The following MARCHF3 variants were observed in gnomAD, a reference collection of about 807,000 sequenced individuals.
The protein encoded by MARCHF3 is E3 ubiquitin-protein ligase MARCHF3.
Under a neutral mutation model 24.2 loss-of-function variants are expected in MARCHF3, and 13 were observed. That is an observed-to-expected ratio of 0.54 (90% CI 0.35 to 0.85). The LOEUF (loss-of-function observed/expected upper bound fraction) is 0.85, where lower values mean the gene tolerates loss of function less well. Ranked by LOEUF, MARCHF3 falls within the 40% of genes least tolerant of loss-of-function variation. The pLI, the probability that MARCHF3 is intolerant of heterozygous loss-of-function variation, is 0.01. For missense variants in MARCHF3, 276 were observed against 325.0 expected (o/e 0.85, Z 1.16); for synonymous variants, 144 against 137.3 (o/e 1.05, Z -0.34).
intron 1 of MARCHF3, among the ~76,000 whole-genome samples, chr5:126,959,905 C>T (rs1264935455): frequency 6.6e-6 from 1 of 152,040 alleles, no homozygotes; most frequent in Non-Finnish European, 1.5e-5. Flanking sequence ...CCTTTGTCTC[C>T]TAGGTTATTA....
chr5:126,948,549 A>C (rs796376737), intron 1 of MARCHF3, among the ~76,000 whole-genome samples: 4 of 152,332 alleles, frequency 2.6e-5, no homozygotes, highest in African/African-American at 9.6e-5. Context: ...AATGAACGGG[A>C]GAACCAAAAG....
intron 1 of MARCHF3, among the ~76,000 whole-genome samples, chr5:126,974,263 C>T (rs949773116): frequency 6.6e-6 from 1 of 152,330 alleles, no homozygotes; most frequent in African/African-American, 2.4e-5. Context: ...CCTTCCCTCC[C>T]TCAAGCAGGT....
chr5:126,879,517 A>T (rs1025850088), intron 3 of MARCHF3, among the ~76,000 whole-genome samples: 1 of 152,176 alleles, frequency 6.6e-6, no homozygotes, highest in African/African-American at 2.4e-5. Flanking sequence ...GATGGGGAAA[A>T]CCTCATGCTT....
chr5:126,995,984 G>T (rs1199392217), intron 1 of MARCHF3, among the ~76,000 whole-genome samples: 1 of 152,252 alleles, frequency 6.6e-6, no homozygotes, highest in Non-Finnish European at 1.5e-5. Flanking sequence ...GTCCTTGAAA[G>T]ATGAATAAGA....
intron 1 of MARCHF3, among the ~76,000 whole-genome samples, chr5:126,929,417 G>T (rs966311342): frequency 2.0e-5 from 3 of 152,164 alleles, no homozygotes; most frequent in African/African-American, 7.2e-5. Flanking sequence ...AATTCTAAGG[G>T]TCTAATGATT....
chr5:126,988,788 T>A (rs1330664699), intron 1 of MARCHF3, among the ~76,000 whole-genome samples: 1 of 152,196 alleles, frequency 6.6e-6, no homozygotes, highest in African/African-American at 2.4e-5. Context: ...ATTACATCAG[T>A]GAGCATCTAT....
At chr5:127,009,155 G>T (rs1752404438) in intron 1 of MARCHF3, among the ~76,000 whole-genome samples, 1 of 152,084 alleles carries the variant, frequency 6.6e-6, no homozygotes, top group African/African-American at 2.4e-5. Flanking sequence ...AATTCCCTGA[G>T]ATTCCAAAGC....
At chr5:126,919,817 C>T (rs143898641) in intron 1 of MARCHF3, among the ~76,000 whole-genome samples, 5 of 152,296 alleles carry the variant, frequency 3.3e-5, no homozygotes, top group East Asian at 1.9e-4. Context: ...GGCTGCCTGG[C>T]GTCCTCTCAG....
At chr5:126,875,024 G>T (rs1753101674) in intron 4 of MARCHF3, among the ~76,000 whole-genome samples, 1 of 152,168 alleles carries the variant, frequency 6.6e-6, no homozygotes, top group South Asian at 2.1e-4. Context: ...TGAGTGGAAA[G>T]ACTTCCTGTA....
intron 3 of MARCHF3, among the ~76,000 whole-genome samples, chr5:126,894,539 G>T (rs1433422139): frequency 1.3e-5 from 2 of 151,708 alleles, no homozygotes; most frequent in Non-Finnish European, 2.9e-5. Context: ...TTTCTCCTTT[G>T]CTTATGAAGG....
chr5:127,008,383 A>C (rs1442817287), intron 1 of MARCHF3, among the ~76,000 whole-genome samples: 1 of 152,220 alleles, frequency 6.6e-6, no homozygotes, highest in Non-Finnish European at 1.5e-5. Flanking sequence ...AGACGAATCA[A>C]GTGAGGTTAC....
intron 1 of MARCHF3, among the ~76,000 whole-genome samples, chr5:126,977,630 C>T (rs1344908854): frequency 6.6e-6 from 1 of 152,104 alleles, no homozygotes; most frequent in Non-Finnish European, 1.5e-5. Context: ...ATTCATGACA[C>T]AGAAATATCA....
intron 1 of MARCHF3, among the ~76,000 whole-genome samples, chr5:127,006,800 GAT>G (rs1489391879): frequency 1.3e-5 from 2 of 152,076 alleles, no homozygotes; most frequent in Non-Finnish European, 2.9e-5. Flanking sequence ...TACTGTACAA[GAT>G]ATTAAAGGTT....
intron 1 of MARCHF3, among the ~76,000 whole-genome samples, chr5:127,023,774 AAAT>A (rs1752899431): frequency 1.2e-4 from 16 of 138,932 alleles, no homozygotes; most frequent in African/African-American, 3.7e-4. Context: ...ATAAATAAAT[AAAT>A]AAAAATAAAA....
intron 1 of MARCHF3, among the ~76,000 whole-genome samples, chr5:127,004,886 C>G (rs899632833): frequency 1.4e-4 from 21 of 152,188 alleles, no homozygotes; most frequent in African/African-American, 5.1e-4. Context: ...ACACGAGTTG[C>G]CTTACCATCT....
chr5:126,959,929 C>A (rs1274689512), intron 1 of MARCHF3, among the ~76,000 whole-genome samples: 2 of 152,100 alleles, frequency 1.3e-5, no homozygotes, highest in Non-Finnish European at 2.9e-5. Flanking sequence ...AGTTATAGTT[C>A]CACCGAAGGC....
rs867617557 is a variant in MARCHF3, at chr5:126,946,772, G to A, written c.-56-28545C>T. On this transcript the variant is annotated intron_variant, in intron 1 of 4. Coordinates refer to ENST00000308660, the MANE Select transcript of MARCHF3 (RefSeq NM_178450.5). Reference sequence around the variant, plus strand: ...CTCGTGTAAGTAGGGGTGTGTGTGTGTGTGTGTGTGTGTGTGTGTGTGTGT... The same window carrying A: ...CTCGTGTAAGTAGGGGTGTGTGTGTATGTGTGTGTGTGTGTGTGTGTGTGT... 1.0e-4 allele frequency among the ~76,000 whole-genome samples: 15 copies of A among 150,162 alleles called. No individual in the cohort carries two copies. The South Asian group carries it at 1.9e-3, about 19-fold the overall frequency.
At chr5:127,006,135 G>A (rs1466885400) in intron 1 of MARCHF3, among the ~76,000 whole-genome samples, 7 of 151,300 alleles carry the variant, frequency 4.6e-5, no homozygotes, top group Admixed American at 2.6e-4. Context: ...CCTGCAAGGC[G>A]GAGGTTGCAG....
chr5:126,914,777 C>CACACAG, intron 3 of MARCHF3, 153 bp downstream of exon 3: 1 of 639,216 alleles, frequency 1.6e-6, no homozygotes, highest in Non-Finnish European at 2.8e-6. Context: ...AACACACACA[C>CACACAG]ACACACACAC....
Sources: allele counts gnomAD v4.1 joint callset (sites outside exome capture counted in the v4.1 genomes callset), GRCh38; gene constraint gnomAD v4.1.1; transcripts MANE v1.5; gene names NCBI Gene and HGNC (gene_info 2026-07-23, HGNC 2026-07-21).